FER1L5: variants seen among roughly 807,000 people sequenced by gnomAD.
FER1L5 encodes fer-1-like protein 5.
FER1L5 carries 187 observed loss-of-function variants against 279.9 expected under a neutral mutation model. The observed-to-expected ratio is 0.67, with a 90% confidence interval of 0.59 to 0.75. The LOEUF is 0.75. Ranked by LOEUF, FER1L5 falls within the 30% of genes least tolerant of loss-of-function variation. The probability of loss-of-function intolerance (pLI) is 0.00; values close to 1 mark genes in which losing one functional copy is unlikely to be tolerated. For synonymous variants in FER1L5, 921 were observed against 989.7 expected (o/e 0.93, Z 1.30); for missense variants, 2,091 against 2,594.4 (o/e 0.81, Z 4.21).
In FER1L5 at chr2:96,698,651, C is replaced by T; in HGVS notation, c.4357-20C>T. On this transcript the variant is annotated intron_variant, in intron 40 of 52. Coordinates refer to ENST00000624922, the MANE Select transcript of FER1L5 (RefSeq NM_001293083.2). This position sits in a 1 kb window ranked among gnomAD's most constrained non-coding sequence, Gnocchi z 5.5. ...GGCCAGCACTGCCAGGCTGGGCCCCCAACACCCTCCCCCCGCCAGGGCCTT... is the reference window on the plus strand; with the variant it reads ...GGCCAGCACTGCCAGGCTGGGCCCCTAACACCCTCCCCCCGCCAGGGCCTT... The T allele has an allele frequency of 1.3e-6, 2 of 1,570,448 alleles. No individual in the cohort carries two copies. Among genetic ancestry groups the T allele is most frequent in the Non-Finnish European group, 1.7e-6 (2 of 1,156,888 alleles).
intron 19 of FER1L5, among the ~76,000 whole-genome samples, chr2:96,673,938 C>T (rs2076419834): frequency 6.6e-6 from 1 of 152,176 alleles, no homozygotes; most frequent in African/African-American, 2.4e-5. Context: ...TCATCTTTTT[C>T]ATCTTTACTG....
At position 96,668,983 on chromosome 2, in the gene FER1L5, G is replaced by A. The variant is rs1327758658; in HGVS notation, c.1267+15G>A. ...AGAGATAGAAGGCAAGCAAAGCCTC[G>A]AGCCCACTTCCTACACCCCTCGTCC... On this transcript the variant is annotated intron_variant, in intron 16 of 52. Coordinates refer to ENST00000624922, the MANE Select transcript of FER1L5 (RefSeq NM_001293083.2). The A allele has an allele frequency of 1.1e-5, 17 of 1,551,450 alleles. 1 individual carries two copies. Among genetic ancestry groups the A allele is most frequent in the South Asian group, 2.4e-5 (2 of 84,036 alleles).
rs368313566 is a variant in FER1L5 at position 96,696,384 on chromosome 2, C to G, written c.4083+307C>G. Among the ~76,000 whole-genome samples the G allele has an allele frequency of 2.5e-4, 38 of 152,234 alleles. No homozygotes were observed. The East Asian group carries it at 4.8e-3, about 19-fold the overall frequency. On this transcript the variant is annotated intron_variant, in intron 37 of 52. Coordinates refer to ENST00000624922, the MANE Select transcript of FER1L5 (RefSeq NM_001293083.2). Reference sequence around the variant, plus strand: ...CTTGGCTCACTGCAACCTCCGCCTCCCGGGTTCGAGAGGTTCTCCTGCCTC... The same window carrying G: ...CTTGGCTCACTGCAACCTCCGCCTCGCGGGTTCGAGAGGTTCTCCTGCCTC...
chr2:96,649,756 C>G, intron 5 of FER1L5, 79 bp downstream of exon 5: 1 of 1,414,354 alleles, frequency 7.1e-7, no homozygotes, highest in Admixed American at 2.0e-5. Flanking sequence ...TCTTGGGGAC[C>G]TTCAAAACCC....
At chr2:96,680,213 G>C (rs1056877734) in intron 19 of FER1L5, among the ~76,000 whole-genome samples, 2 of 151,808 alleles carry the variant, frequency 1.3e-5, no homozygotes, top group African/African-American at 4.8e-5. Context: ...TGTTGCTTTT[G>C]TAAGTTCTCC....
At position 96,698,227 on chromosome 2, in the gene FER1L5, GC is replaced by G; in HGVS notation, c.4356+74del. The G allele has an allele frequency of 6.6e-7, 1 of 1,505,856 alleles. No individual in the cohort carries two copies. Among genetic ancestry groups the G allele is most frequent in the African/African-American group, 1.4e-5 (1 of 71,800 alleles). 93.3% of individuals were successfully genotyped at this position (1,505,856 alleles called of 1,614,324 possible). On this transcript the variant is annotated intron_variant, in intron 40 of 52. Coordinates refer to ENST00000624922, the MANE Select transcript of FER1L5 (RefSeq NM_001293083.2). The surrounding 1 kb of genome is among the most constrained non-coding windows in gnomAD (Gnocchi z 5.5). ...TTCTGTCCCTGGAAAACGAATAAAA[GC>G]CCTGGCTCTATATGCTCATTGTGAA...
intron 23 of FER1L5, among the ~76,000 whole-genome samples, chr2:96,687,438 G>A (rs2076972284): frequency 6.6e-6 from 1 of 152,236 alleles, no homozygotes. Flanking sequence ...CTGTAGAATG[G>A]GCCTGGCAAT....
Position 96,704,453 on chromosome 2 carries a change from G to A in FER1L5, c.5950-15G>A. ...AGCTTGCCACCCCAGGCTAACTGTT[G>A]TCTGTTCTCTCTAGCACTATTTGGC... On this transcript the variant is annotated splice_polypyrimidine_tract_variant and intron_variant, in intron 52 of 52. Coordinates refer to ENST00000624922, the MANE Select transcript of FER1L5 (RefSeq NM_001293083.2). 1 of 1,613,734 alleles carries A rather than the reference G, an allele frequency of 6.2e-7. No homozygotes were observed. The highest frequency in any genetic ancestry group is 1.7e-5 in the Admixed American group (1 of 60,030).
chr2:96,694,219 C>A lies in FER1L5; in HGVS notation c.3637-141C>A. The A allele has an allele frequency of 7.6e-7, 1 of 1,321,902 alleles. No individual in the cohort carries two copies. The allele number at this position is 1,321,902 out of a possible 1,614,324, so 81.9% of individuals were successfully genotyped here. ...TGTGGGCTTGGTGACGCTGGCCTGA[C>A]CAGCCTCTCCCCTAAGTCCCCCTGC... On this transcript the variant is annotated intron_variant, in intron 33 of 52. Coordinates refer to ENST00000624922, the MANE Select transcript of FER1L5 (RefSeq NM_001293083.2). This position sits in a 1 kb window ranked among gnomAD's most constrained non-coding sequence, Gnocchi z 4.6.
In FER1L5 at chr2:96,670,265, G is replaced by A. The variant is rs1031287983; in HGVS notation, c.1491+18G>A. 6.5e-7 allele frequency: 1 copy of A among 1,548,056 alleles called. No individual in the cohort carries two copies. The highest frequency in any genetic ancestry group is 8.7e-7 in the Non-Finnish European group (1 of 1,144,652). On this transcript the variant is annotated intron_variant, in intron 18 of 52. Transcript: ENST00000624922. ...GGATAGAGGTAACTGCGGGAAACAGGTAACCCAGGGAAAAACAAGAGCCCT... is the reference window on the plus strand; with the variant it reads ...GGATAGAGGTAACTGCGGGAAACAGATAACCCAGGGAAAAACAAGAGCCCT...
chr2:96,688,964 G>T, intron 24 of FER1L5: 1 of 460,942 alleles, frequency 2.2e-6, no homozygotes, highest in Non-Finnish European at 3.9e-6. Flanking sequence ...GCACTACATA[G>T]ATGTCTTATG....
At position 96,702,873 on chromosome 2, in the gene FER1L5, C is replaced by A. The variant is rs2077641853; in HGVS notation, c.5398-105C>A. The A allele has an allele frequency of 2.0e-6, 3 of 1,529,574 alleles. No individual in the cohort carries two copies. The highest frequency in any genetic ancestry group is 1.8e-6 in the Non-Finnish European group (2 of 1,130,688). The allele number at this position is 1,529,574 out of a possible 1,614,324, so 94.8% of individuals were successfully genotyped here. ...CAGAAACATGTCCTCAGGTGGAAAC[C>A]CTCTTCCTTGATAGTCTATCACTGC... On this transcript the variant is annotated intron_variant, in intron 48 of 52. Transcript: ENST00000624922. This position sits in a 1 kb window ranked among gnomAD's most constrained non-coding sequence, Gnocchi z 4.0.
In FER1L5 at chr2:96,651,902, A is replaced by C. The variant is rs1194102089; in HGVS notation, c.515A>C (p.Lys172Thr). The C allele has an allele frequency of 6.4e-7, 1 of 1,552,092 alleles. No homozygotes were observed. The highest frequency in any genetic ancestry group is 2.0e-5 in the Admixed American group (1 of 51,000). ...SKPQHFQVRV[K>T]VFEARQLMGN... is the part of the protein sequence containing the mutation. ...GTGTTCCGCCCTTAGGTTCGAGTGA[A>C]GGTGTTTGAAGCCCGACAGCTCATG... is the stretch of plus-strand genomic sequence containing the variant. The change falls in exon 7 of 53, where the codon AAG becomes ACG. Residue 172 changes from lysine (K) to threonine (T), a missense_variant. Transcript: ENST00000624922.
In FER1L5 at chr2:96,689,242, G is replaced by C. The variant is rs943706620; in HGVS notation, c.2391G>C (p.Gln797His). The C allele has an allele frequency of 1.3e-6, 2 of 1,550,640 alleles. No individual in the cohort carries two copies. Among genetic ancestry groups the C allele is most frequent in the Admixed American group, 2.0e-5 (1 of 50,884 alleles). ...MYENQAKYKD[Q>H]WGQQGLYHCP... ...AGAATCAGGCCAAGTATAAAGACCAGTGGGGGCAGCAGGGGCTGTATCACT... is the reference window on the plus strand; with the variant it reads ...AGAATCAGGCCAAGTATAAAGACCACTGGGGGCAGCAGGGGCTGTATCACT... The change falls in exon 25 of 53, where the codon CAG (glutamine) becomes CAC (histidine). Residue 797 changes from glutamine to histidine, a missense_variant. Transcript: ENST00000624922. The surrounding 1 kb of genome is among the most constrained non-coding windows in gnomAD (Gnocchi z 4.6).
At position 96,689,295 on chromosome 2, in the gene FER1L5, A is replaced by T; in HGVS notation, c.2444A>T (p.Asn815Ile). The T allele has an allele frequency of 4.5e-6, 7 of 1,550,442 alleles. No homozygotes were observed. The highest frequency in any genetic ancestry group is 6.1e-6 in the Non-Finnish European group (7 of 1,146,668). ...CCCAACTTCTCGGATGTCATGGGGA[A>T]CAAGACCCTCCCCATGACGGATTTC... ...HCPNFSDVMG[N>I]KTLPMTDFQP... is the part of the protein sequence containing the mutation. The change falls in exon 25 of 53, where the codon AAC becomes ATC. Residue 815 changes from asparagine (N) to isoleucine (I), a missense_variant. Coordinates refer to ENST00000624922, the MANE Select transcript of FER1L5 (RefSeq NM_001293083.2). This position sits in a 1 kb window ranked among gnomAD's most constrained non-coding sequence, Gnocchi z 4.6.
intron 45 of FER1L5, 120 bp downstream of exon 45, chr2:96,700,591 A>C: frequency 7.6e-7 from 1 of 1,317,776 alleles, no homozygotes; most frequent in Non-Finnish European, 1.1e-6. Flanking sequence ...ACATTTAGTA[A>C]TGTACATGCA....
In FER1L5 at chr2:96,691,995, G is replaced by A. The variant is rs1163153565; in HGVS notation, c.3214+32G>A. The A allele has an allele frequency of 1.2e-6, 1 of 826,264 alleles. No homozygotes were observed. Among genetic ancestry groups the A allele is most frequent in the Non-Finnish European group, 1.7e-6 (1 of 571,556 alleles). The allele number at this position is 826,264 out of a possible 1,614,324, so 51.2% of individuals were successfully genotyped here. On this transcript the variant is annotated intron_variant, in intron 30 of 52. Coordinates refer to ENST00000624922, the MANE Select transcript of FER1L5 (RefSeq NM_001293083.2). The surrounding 1 kb of genome is among the most constrained non-coding windows in gnomAD (Gnocchi z 6.0). ...ACTGACTTGGGAGTCTACTTGAATGGCCCCAGAGGCCAGTACCCGAGGGCG... is the reference window on the plus strand; with the variant it reads ...ACTGACTTGGGAGTCTACTTGAATGACCCCAGAGGCCAGTACCCGAGGGCG...
chr2:96,659,290 T>TTCCTTCCTTCCTTCCTTCCTTCC lies in FER1L5; in HGVS notation c.748-1050_748-1049insCCTTCCTTCCTTCCTTCCTTCCT, dbSNP rs1553449027. Among the ~76,000 whole-genome samples, 27 of 81,028 alleles carry TTCCTTCCTTCCTTCCTTCCTTCC rather than the reference T, an allele frequency of 3.3e-4. 1 individual carries two copies. In the East Asian group the frequency reaches 3.5e-3, roughly 11 times the overall value. 53.2% of individuals were successfully genotyped at this position (81,028 alleles called of 152,430 possible). On this transcript the variant is annotated intron_variant, in intron 9 of 52. Coordinates refer to ENST00000624922, the MANE Select transcript of FER1L5 (RefSeq NM_001293083.2). ...TTTGATGAAGTCCAATTTATCAAGC[T>TTCCTTCCTTCCTTCCTTCCTTCC]TTCCTTCCTTCCTTCCTTCCTTCCT...
At chr2:96,696,924 A>G (rs780143237) in intron 37 of FER1L5, among the ~76,000 whole-genome samples, 9 of 152,162 alleles carry the variant, frequency 5.9e-5, no homozygotes, top group Non-Finnish European at 1.2e-4. Flanking sequence ...AAAAAAATTT[A>G]TAGAGACAGG....
Sources: allele counts gnomAD v4.1 joint callset (sites outside exome capture counted in the v4.1 genomes callset), GRCh38; gene constraint gnomAD v4.1.1; non-coding constraint Gnocchi (gnomAD v3.1); transcripts MANE v1.5; gene names NCBI Gene and HGNC (gene_info 2026-07-23, HGNC 2026-07-21).